SNTG2: variants seen among roughly 807,000 people sequenced by gnomAD.
SNTG2 encodes gamma-2-syntrophin.
SNTG2 carries 74 observed loss-of-function variants against 70.9 expected under a neutral mutation model. The ratio of observed to expected loss-of-function variants is 1.04; its 90% confidence interval spans 0.86 to 1.27. The LOEUF is 1.27. Among genes scored for constraint, SNTG2 ranks in the 50% most tolerant of loss-of-function variants. The pLI is 0.00. For missense variants in SNTG2, 717 were observed against 690.7 expected, an observed-to-expected ratio of 1.04 and a Z score of -0.43; for synonymous variants, 278 against 273.8, an observed-to-expected ratio of 1.02 and a Z score of -0.15.
chr2:967,643 T>C (rs1660611580), intron 1 of SNTG2, among the ~76,000 whole-genome samples: 1 of 152,214 alleles, frequency 6.6e-6, no homozygotes, highest in Non-Finnish European at 1.5e-5. Flanking sequence ...ACATTCACGT[T>C]GGATGTTGGT....
Position 966,962 on chromosome 2 carries a change from C to CA in SNTG2, c.72+15897dup, listed in dbSNP as rs571753944. On this transcript the variant is annotated intron_variant, in intron 1 of 16. Transcript: ENST00000308624. ...ACTCTGTCTCAAACAAACAAACAAA[C>CA]AAACAAAAAAACAAATAATAGTTTA... Among the ~76,000 whole-genome samples the CA allele has an allele frequency of 6.7e-3, 881 of 131,456 alleles. 13 individuals are homozygous for CA. Among genetic ancestry groups the CA allele is most frequent in the African/African-American group, 0.025 (825 of 32,934 alleles). The allele number at this position is 131,456 out of a possible 152,430, so 86.2% of individuals were successfully genotyped here.
chr2:1,365,198 A>G (rs1661412585), intron 16 of SNTG2, among the ~76,000 whole-genome samples: 1 of 152,124 alleles, frequency 6.6e-6, no homozygotes, highest in East Asian at 1.9e-4. Flanking sequence ...AGTTTAACAC[A>G]AGGGCTGGGC....
intron 4 of SNTG2, among the ~76,000 whole-genome samples, chr2:1,118,421 C>A (rs1224648079): frequency 6.6e-6 from 1 of 152,130 alleles, no homozygotes; most frequent in Non-Finnish European, 1.5e-5. Context: ...TCATTCCTGA[C>A]ATTCATTACA....
Position 1,070,278 on chromosome 2 carries a change from A to G in SNTG2, c.73-13240A>G, listed in dbSNP as rs576091700. 3.3e-5 allele frequency among the ~76,000 whole-genome samples: 5 copies of G among 152,140 alleles called. No homozygotes were observed. In the East Asian group the frequency reaches 9.7e-4, roughly 29 times the overall value. On this transcript the variant is annotated intron_variant, in intron 1 of 16. Transcript: ENST00000308624. The stretch of plus-strand genomic sequence containing the variant: ...CAGTTTTGACAGGTAGATGTGGGAC[A>G]TTGCAATTGATGACATTGCAGCTCT...
intron 1 of SNTG2, among the ~76,000 whole-genome samples, chr2:961,190 A>G (rs776207601): frequency 1.3e-5 from 2 of 152,030 alleles, no homozygotes; most frequent in Non-Finnish European, 2.9e-5. Flanking sequence ...TTGGTTTGAA[A>G]CTACTGTTAG....
intron 1 of SNTG2, among the ~76,000 whole-genome samples, chr2:1,005,574 C>T (rs1013519470): frequency 2.6e-5 from 4 of 151,562 alleles, no homozygotes; most frequent in South Asian, 2.1e-4. Flanking sequence ...GAGGCTGAGG[C>T]GGGTGGATCG....
intron 16 of SNTG2, among the ~76,000 whole-genome samples, chr2:1,362,309 A>G (rs112864686): frequency 1.2e-4 from 16 of 129,762 alleles, no homozygotes; most frequent in South Asian, 5.4e-4. Context: ...GGTCACCGAC[A>G]CTGAGCATTT....
At chr2:1,304,155 C>T (rs1252353546) in intron 14 of SNTG2, among the ~76,000 whole-genome samples, 1 of 152,176 alleles carries the variant, frequency 6.6e-6, no homozygotes, top group Non-Finnish European at 1.5e-5. Flanking sequence ...AAATAAACTA[C>T]AGACCAATAT....
At chr2:1,283,833 A>C (rs2148211660) in intron 14 of SNTG2, among the ~76,000 whole-genome samples, 1 of 152,308 alleles carries the variant, frequency 6.6e-6, no homozygotes, top group East Asian at 1.9e-4. Flanking sequence ...GGCATGGATA[A>C]CTACCTGGGG....
intron 8 of SNTG2, among the ~76,000 whole-genome samples, chr2:1,181,074 G>T (rs1671856000): frequency 6.6e-6 from 1 of 152,216 alleles, no homozygotes; most frequent in African/African-American, 2.4e-5. Flanking sequence ...TAGTGGGGTG[G>T]GGGAAGGGGA....
chr2:987,838 G>T (rs1357559859), intron 1 of SNTG2, among the ~76,000 whole-genome samples: 1 of 152,106 alleles, frequency 6.6e-6, no homozygotes, highest in African/African-American at 2.4e-5. Context: ...TGAGGAGAAG[G>T]TTCTGGAGAT....
rs1572869138 is a variant in SNTG2 at position 1,254,347 on chromosome 2, G to A, written c.1006-5023G>A. Among the ~76,000 whole-genome samples the A allele has an allele frequency of 3.3e-5, 5 of 152,310 alleles. No homozygotes were observed. The South Asian group carries it at 6.2e-4, about 19-fold the overall frequency. ...ACACCCTACTCTCCCTCGTTAGCCA[G>A]AGTATTTATTTCTGATTTGTACATT... On this transcript the variant is annotated intron_variant, in intron 12 of 16. Transcript: ENST00000308624.
chr2:1,019,373 A>T (rs6548173), intron 1 of SNTG2, among the ~76,000 whole-genome samples: 1 of 151,946 alleles, frequency 6.6e-6, no homozygotes, highest in African/African-American at 2.4e-5. Context: ...TGGCAATGTC[A>T]TGCAGGGTTG....
intron 8 of SNTG2, among the ~76,000 whole-genome samples, chr2:1,173,624 T>C (rs1671272826): frequency 1.3e-5 from 2 of 152,270 alleles, no homozygotes; most frequent in African/African-American, 4.8e-5. Context: ...AAACCAGACT[T>C]GAGCAAAAAG....
intron 1 of SNTG2, among the ~76,000 whole-genome samples, chr2:1,000,706 C>A (rs901746000): frequency 5.3e-5 from 8 of 151,268 alleles, no homozygotes; most frequent in African/African-American, 1.7e-4. Context: ...GAACTGGTAC[C>A]AATCTTACTG....
chr2:999,541 C>G (rs1276898593), intron 1 of SNTG2, among the ~76,000 whole-genome samples: 1 of 151,810 alleles, frequency 6.6e-6, no homozygotes, highest in East Asian at 1.9e-4. Context: ...CATAAAATGA[C>G]AAGGAAGTTC....
intron 8 of SNTG2, among the ~76,000 whole-genome samples, chr2:1,191,457 G>A (rs768882996): frequency 3.3e-5 from 5 of 152,194 alleles, no homozygotes; most frequent in Non-Finnish European, 7.3e-5. Context: ...CTGTGGCCGT[G>A]GGATCAGAAA....
At chr2:1,239,840 A>G in intron 11 of SNTG2, 64 bp downstream of exon 11, 3 of 1,564,750 alleles carry the variant, frequency 1.9e-6, no homozygotes, top group South Asian at 2.3e-5. Flanking sequence ...TTTCTGATTC[A>G]TGATGTAACA....
rs541560556 is a variant in SNTG2 at position 1,275,334 on chromosome 2, A to G, written c.1284+7763A>G. On this transcript the variant is annotated intron_variant, in intron 14 of 16. Coordinates refer to ENST00000308624, the MANE Select transcript of SNTG2 (RefSeq NM_018968.4). ...TATTTTTAATTGAAGATTTAAGGAA[A>G]CCCTGCAGTAAGCAAATCTATCACT... 3.9e-5 allele frequency among the ~76,000 whole-genome samples: 6 copies of G among 152,344 alleles called. 1 individual carries two copies. The highest frequency in any genetic ancestry group is 3.9e-4 in the Admixed American group (6 of 15,306).
Sources: gnomAD v4.1 joint callset for allele counts (sites outside exome capture counted in the v4.1 genomes callset) on GRCh38, gnomAD v4.1.1 for gene constraint, MANE v1.5 for transcripts, NCBI Gene and HGNC (gene_info 2026-07-23, HGNC 2026-07-21) for gene names.